Variants in CREB5 observed in about 807,000 individuals in gnomAD.
CREB5 encodes cAMP responsive element binding protein 5, also known as cyclic AMP-responsive element-binding protein 5.
In CREB5, 19 loss-of-function variants were observed where a neutral mutation model predicts 57.1. The observed-to-expected ratio is 0.33, with a 90% CI of 0.23 to 0.49. The LOEUF is 0.49. CREB5 is among the 20% of genes least tolerant of loss of function. The pLI is 0.99. For missense variants in CREB5, 579 were observed against 671.6 expected, an observed-to-expected ratio of 0.86 and a Z score of 1.52; for synonymous variants, 238 against 238.3, an observed-to-expected ratio of 1.00 and a Z score of 0.01.
At chr7:28,621,779 T>C (rs970966110) in intron 5 of CREB5, among the ~76,000 whole-genome samples, 9 of 152,166 alleles carry the variant, frequency 5.9e-5, no homozygotes, top group African/African-American at 2.2e-4. Context: ...CAGGATGATG[T>C]CGTCATACCA....
intron 1 of CREB5, among the ~76,000 whole-genome samples, chr7:28,403,112 G>A (rs1274405774): frequency 6.6e-6 from 1 of 152,176 alleles, no homozygotes; most frequent in African/African-American, 2.4e-5. Flanking sequence ...AGGGTAAAGT[G>A]TGATGGCTTC....
At chr7:28,818,293 A>T in intron 10 of CREB5, 114 bp downstream of exon 10, 1 of 707,026 alleles carries the variant, frequency 1.4e-6, no homozygotes, top group African/African-American at 1.8e-5. Context: ...TTCCAGGCAG[A>T]TATACAAGAA....
chr7:28,335,258 T>A (rs999880896), intron 1 of CREB5, among the ~76,000 whole-genome samples: 5 of 152,288 alleles, frequency 3.3e-5, no homozygotes, highest in Non-Finnish European at 7.4e-5. Context: ...TTAATAGGGA[T>A]TGCATTGAAT....
intron 9 of CREB5, among the ~76,000 whole-genome samples, chr7:28,813,393 C>A (rs1809242398): frequency 6.6e-6 from 1 of 152,140 alleles, no homozygotes; most frequent in Non-Finnish European, 1.5e-5. Flanking sequence ...AATTGCTTTT[C>A]TTTTTTAGTG....
At chr7:28,634,179 T>C (rs1798315936) in intron 5 of CREB5, among the ~76,000 whole-genome samples, 1 of 152,204 alleles carries the variant, frequency 6.6e-6, no homozygotes, top group South Asian at 2.1e-4. Context: ...TCATTTGAGC[T>C]TTAATCTGCC....
intron 5 of CREB5, among the ~76,000 whole-genome samples, chr7:28,586,078 T>C (rs113793657): frequency 4.1e-4 from 62 of 152,308 alleles, no homozygotes; most frequent in African/African-American, 1.5e-3. Flanking sequence ...CACTATGTCA[T>C]CTTGATTCCC....
rs148195867 is a variant in CREB5, at chr7:28,738,082, C to T, written c.702+13750C>T. On this transcript the variant is annotated intron_variant, in intron 7 of 10. Transcript: ENST00000357727. ...TGTTAAAATATTAGGGCTAAAATTG[C>T]ACAGAAGACTAAATTCTCACCAAGA... Among the ~76,000 whole-genome samples, 23 of 152,144 alleles carry T rather than the reference C, an allele frequency of 1.5e-4. No individual in the cohort carries two copies. In the East Asian group the frequency reaches 4.3e-3, roughly 28 times the overall value.
chr7:28,737,583 ATAT>A (rs1804101092), intron 7 of CREB5, among the ~76,000 whole-genome samples: 1 of 26,392 alleles, frequency 3.8e-5, no homozygotes, highest in African/African-American at 1.3e-4. Flanking sequence ...ATATATATAT[ATAT>A]ATTTTTAACT....
chr7:28,505,204 GCA>G (rs61656874), intron 3 of CREB5, among the ~76,000 whole-genome samples: 67,239 of 151,710 alleles, frequency 0.44, 16,373 homozygotes, highest in South Asian at 0.61. Flanking sequence ...GCACACACAC[GCA>G]CACACACACA....
chr7:28,318,644 C>T (rs372115713), intron 1 of CREB5, among the ~76,000 whole-genome samples: 3 of 152,280 alleles, frequency 2.0e-5, no homozygotes, highest in East Asian at 1.9e-4. Flanking sequence ...ACCCAGGAGG[C>T]ATGTTCAGGC....
chr7:28,696,531 T>A (rs1562578485), intron 5 of CREB5, among the ~76,000 whole-genome samples: 1 of 152,186 alleles, frequency 6.6e-6, no homozygotes, highest in Non-Finnish European at 1.5e-5. Flanking sequence ...TCCAGCCACG[T>A]GATCTTTAAT....
At chr7:28,448,546 G>A (rs1282105721) in intron 1 of CREB5, among the ~76,000 whole-genome samples, 1 of 152,136 alleles carries the variant, frequency 6.6e-6, no homozygotes, top group African/African-American at 2.4e-5. Flanking sequence ...TGGTGGGCTT[G>A]GCTGTTGGAT....
intron 3 of CREB5, among the ~76,000 whole-genome samples, chr7:28,505,110 AT>A (rs1792426384): frequency 2.6e-5 from 4 of 152,218 alleles, no homozygotes; most frequent in Non-Finnish European, 5.9e-5. Context: ...ACCAGGAAAA[AT>A]AATTTTTACA....
intron 5 of CREB5, among the ~76,000 whole-genome samples, chr7:28,603,116 AC>A (rs1223350657): frequency 6.6e-6 from 1 of 152,212 alleles, no homozygotes; most frequent in Admixed American, 6.5e-5. Flanking sequence ...TCCTACCATG[AC>A]AAAATAAGGT....
chr7:28,775,543 C>CATATATATATATATATGTAT (rs1806571758), intron 7 of CREB5, among the ~76,000 whole-genome samples: 1 of 120,632 alleles, frequency 8.3e-6, no homozygotes, highest in Non-Finnish European at 1.7e-5. Context: ...ATTCCTTAGC[C>CATATATATATATATATGTAT]ATATATATAT....
At chr7:28,409,157 C>T (rs905521339), upstream of CREB5, among the ~76,000 whole-genome samples, 53 of 151,670 alleles carry the variant, frequency 3.5e-4, no homozygotes, top group African/African-American at 1.3e-3. This position sits in a 1 kb window ranked among gnomAD's most constrained non-coding sequence, Gnocchi z 4.4. Flanking sequence ...CCGCCGCTGC[C>T]GCTCCCGGGC....
rs1349449277 is a variant in CREB5 at position 28,560,991 on chromosome 7, T to TGCGCGTGTGTGCGC, written c.292-9373_292-9372insCGCGTGTGTGCGCG. ...GTGTGTGCGTGTGTGCGTGCGTGTGTGTGCCTGCGTGTGCGTGTGTGTGTG... is the reference window on the plus strand; with the variant it reads ...GTGTGTGCGTGTGTGCGTGCGTGTGTGCGCGTGTGTGCGCGTGCCTGCGTGTGCGTGTGTGTGTG... On this transcript the variant is annotated intron_variant, in intron 4 of 10. Transcript: ENST00000357727. Among the ~76,000 whole-genome samples the TGCGCGTGTGTGCGC allele has an allele frequency of 1.7e-4, 8 of 47,060 alleles. 1 individual carries two copies. Among genetic ancestry groups the TGCGCGTGTGTGCGC allele is most frequent in the Admixed American group, 4.4e-4 (2 of 4,508 alleles). The allele number at this position is 47,060 out of a possible 152,430, so 30.9% of individuals were successfully genotyped here. A position where few individuals can be genotyped will look rare whatever the true frequency, so the allele number is the denominator to read the frequency against.
chr7:28,301,570 T>C (rs1367676691), intron 1 of CREB5, among the ~76,000 whole-genome samples: 2 of 152,230 alleles, frequency 1.3e-5, no homozygotes, highest in African/African-American at 2.4e-5. Context: ...CCGGATATAC[T>C]GAATAAGGAT....
At chr7:28,340,109 A>G (rs1403236229) in intron 1 of CREB5, among the ~76,000 whole-genome samples, 1 of 152,180 alleles carries the variant, frequency 6.6e-6, no homozygotes, top group African/African-American at 2.4e-5. Flanking sequence ...AGACTCCAGG[A>G]GCCTGCTTTG....
Sources: gnomAD v4.1 joint callset for allele counts (sites outside exome capture counted in the v4.1 genomes callset) on GRCh38, gnomAD v4.1.1 for gene constraint, Gnocchi (gnomAD v3.1) non-coding constraint, MANE v1.5 for transcripts, NCBI Gene and HGNC (gene_info 2026-07-23, HGNC 2026-07-21) for gene names.